Variants in GPM6A observed in about 807,000 individuals in gnomAD.
GPM6A encodes glycoprotein M6A, also known as neuronal membrane glycoprotein M6-a.
GPM6A carries 7 observed loss-of-function variants against 32.1 expected under a neutral mutation model. The ratio of observed to expected loss-of-function variants is 0.22; its 90% confidence interval spans 0.12 to 0.41. The LOEUF (loss-of-function observed/expected upper bound fraction) is 0.41, where lower values mean the gene tolerates loss of function less well. Ranked by LOEUF, GPM6A falls within the 10% of genes least tolerant of loss-of-function variation. The pLI is 1.00. For missense variants in GPM6A, 235 were observed against 347.2 expected (o/e 0.68, Z 2.57); for synonymous variants, 130 against 123.4 (o/e 1.05, Z -0.35).
At chr4:175,667,522 T>A (rs1367382368) in intron 3 of GPM6A, among the ~76,000 whole-genome samples, 9 of 152,120 alleles carry the variant, frequency 5.9e-5, no homozygotes, top group African/African-American at 2.2e-4. Flanking sequence ...AAGAACATTT[T>A]ACAAAAACTA....
At chr4:175,969,078 A>G (rs1225009315) in intron 1 of GPM6A, among the ~76,000 whole-genome samples, 2 of 152,220 alleles carry the variant, frequency 1.3e-5, no homozygotes, top group African/African-American at 4.8e-5. Context: ...GTTTTACAAC[A>G]ATAAAAAGTA....
At chr4:175,702,573 G>A (rs965169970) in intron 1 of GPM6A, among the ~76,000 whole-genome samples, 12 of 152,164 alleles carry the variant, frequency 7.9e-5, no homozygotes, top group Middle Eastern at 3.4e-3. Context: ...GGAGTGCAGC[G>A]GAACAATCTC....
intron 1 of GPM6A, among the ~76,000 whole-genome samples, chr4:175,857,393 A>G (rs1316823166): frequency 6.6e-6 from 1 of 152,212 alleles, no homozygotes; most frequent in African/African-American, 2.4e-5. Flanking sequence ...TTGAAGGTAG[A>G]TTCTGATAAG....
intron 1 of GPM6A, among the ~76,000 whole-genome samples, chr4:175,907,735 T>C (rs1404937707): frequency 6.6e-6 from 1 of 152,152 alleles, no homozygotes; most frequent in Non-Finnish European, 1.5e-5. Flanking sequence ...TTCTGGTTTA[T>C]TACTATTAGA....
At chr4:175,705,210 T>C (rs898628151) in intron 1 of GPM6A, among the ~76,000 whole-genome samples, 9 of 152,222 alleles carry the variant, frequency 5.9e-5, no homozygotes, top group Non-Finnish European at 1.0e-4. Context: ...TTGACAACTC[T>C]GAGATAACGT....
At chr4:175,748,321 C>T (rs1018627211) in intron 1 of GPM6A, among the ~76,000 whole-genome samples, 1 of 152,154 alleles carries the variant, frequency 6.6e-6, no homozygotes, top group African/African-American at 2.4e-5. Flanking sequence ...AAATCTCTAC[C>T]TACGGCAACT....
chr4:175,708,127 C>T (rs1407954848), intron 1 of GPM6A, among the ~76,000 whole-genome samples: 1 of 152,108 alleles, frequency 6.6e-6, no homozygotes, highest in African/African-American at 2.4e-5. Context: ...ATGAAAATCT[C>T]TGCTTTCATT....
chr4:175,941,748 T>A (rs1382255309), intron 1 of GPM6A, among the ~76,000 whole-genome samples: 2 of 152,222 alleles, frequency 1.3e-5, no homozygotes, highest in Admixed American at 6.5e-5. Context: ...TATTCAATGG[T>A]GTACATGTGC....
chr4:175,655,854 A>G (rs1742054972), intron 3 of GPM6A, among the ~76,000 whole-genome samples: 1 of 152,102 alleles, frequency 6.6e-6, no homozygotes, highest in African/African-American at 2.4e-5. Flanking sequence ...GATGTAAACA[A>G]GGGGAAGGTT....
intron 1 of GPM6A, among the ~76,000 whole-genome samples, chr4:175,820,442 GAT>G (rs1197648813): frequency 1.3e-5 from 2 of 150,774 alleles, no homozygotes. Flanking sequence ...TGTGTATACA[GAT>G]ATATATACAC....
chr4:175,916,582 T>C (rs1362142210), intron 1 of GPM6A, among the ~76,000 whole-genome samples: 1 of 152,226 alleles, frequency 6.6e-6, no homozygotes, highest in Non-Finnish European at 1.5e-5. Context: ...ATATTTTATT[T>C]CCTTCATTCT....
At chr4:175,704,992 G>A (rs1745096074) in intron 1 of GPM6A, among the ~76,000 whole-genome samples, 1 of 152,164 alleles carries the variant, frequency 6.6e-6, no homozygotes, top group South Asian at 2.1e-4. Flanking sequence ...ATTAATTTAA[G>A]TATTAATTCA....
chr4:175,845,994 C>T (rs1157377312), intron 1 of GPM6A, among the ~76,000 whole-genome samples: 1 of 151,992 alleles, frequency 6.6e-6, no homozygotes, highest in African/African-American at 2.4e-5. Flanking sequence ...TGTGTTTTCA[C>T]TCACTGCCAT....
chr4:175,641,005 A>C (rs992119333), intron 4 of GPM6A, 176 bp from the exon 5 acceptor site: 14 of 586,616 alleles, frequency 2.4e-5, no homozygotes, highest in African/African-American at 5.6e-5. Context: ...AGAATTATGA[A>C]TATAATATGC....
intron 1 of GPM6A, among the ~76,000 whole-genome samples, chr4:175,836,048 C>T (rs548691669): frequency 1.3e-5 from 2 of 152,080 alleles, no homozygotes; most frequent in African/African-American, 4.8e-5. Context: ...GAAATGTGGT[C>T]CTCAGCCTGG....
intron 2 of GPM6A, among the ~76,000 whole-genome samples, chr4:175,700,689 G>A (rs1361176543): frequency 6.6e-6 from 1 of 152,122 alleles, no homozygotes. Flanking sequence ...GTATCAAACA[G>A]CATGAAATAA....
intron 1 of GPM6A, among the ~76,000 whole-genome samples, chr4:175,944,466 A>C (rs1016136142): frequency 1.3e-5 from 2 of 152,136 alleles, no homozygotes; most frequent in Non-Finnish European, 2.9e-5. Flanking sequence ...TATAAAATGC[A>C]TACTGATTTT....
chr4:175,998,601 C>T (rs1003716307), intron 1 of GPM6A, among the ~76,000 whole-genome samples: 20 of 152,194 alleles, frequency 1.3e-4, no homozygotes, highest in African/African-American at 4.6e-4. Context: ...AATTTCTAGA[C>T]AAAATCTTCT....
chr4:175,690,912 C>A (rs1388075129), intron 2 of GPM6A, among the ~76,000 whole-genome samples: 1 of 152,168 alleles, frequency 6.6e-6, no homozygotes, highest in Non-Finnish European at 1.5e-5. Flanking sequence ...TTCAAATATT[C>A]TTAGGTAAAG....
Sources: gnomAD v4.1 joint callset for allele counts (sites outside exome capture counted in the v4.1 genomes callset) on GRCh38, gnomAD v4.1.1 for gene constraint, MANE v1.5 for transcripts, NCBI Gene and HGNC (gene_info 2026-07-23, HGNC 2026-07-21) for gene names.